GALNTL6: variants seen among roughly 807,000 people sequenced by gnomAD.
GALNTL6 encodes the protein polypeptide N-acetylgalactosaminyltransferase like 6.
Under a neutral mutation model 73.7 loss-of-function variants are expected in GALNTL6, and 46 were observed. That is an observed-to-expected ratio of 0.62 (90% confidence interval 0.49 to 0.80). GALNTL6 has a LOEUF of 0.80. Ranked by LOEUF, GALNTL6 falls within the 30% of genes least tolerant of loss-of-function variation. The probability of loss-of-function intolerance (pLI) is 0.00; values close to 1 mark genes in which losing one functional copy is unlikely to be tolerated. For synonymous variants in GALNTL6, 259 were observed against 263.7 expected, an observed-to-expected ratio of 0.98 and a Z score of 0.17; for missense variants, 604 against 755.0, an observed-to-expected ratio of 0.80 and a Z score of 2.34.
intron 7 of GALNTL6, among the ~76,000 whole-genome samples, chr4:172,873,366 C>G (rs1349302231): frequency 6.6e-6 from 1 of 152,176 alleles, no homozygotes; most frequent in African/African-American, 2.4e-5. Flanking sequence ...GCTAAAAGAT[C>G]AAATGTTCCA....
At chr4:172,523,032 AT>A (rs1734837000) in intron 5 of GALNTL6, among the ~76,000 whole-genome samples, 1 of 152,098 alleles carries the variant, frequency 6.6e-6, no homozygotes, top group African/African-American at 2.4e-5. Context: ...TTTTGCTTTT[AT>A]TTATAATTTC....
chr4:172,204,577 T>G (rs1736051040), intron 2 of GALNTL6, among the ~76,000 whole-genome samples: 1 of 152,216 alleles, frequency 6.6e-6, no homozygotes, highest in South Asian at 2.1e-4. Flanking sequence ...TTGTGTATTC[T>G]ATAATTATTA....
In GALNTL6 at chr4:172,448,713, C is replaced by A. The variant is rs551855421; in HGVS notation, c.553+100024C>A. Among the ~76,000 whole-genome samples the A allele has an allele frequency of 5.3e-5, 8 of 152,238 alleles. No homozygotes were observed. The South Asian group carries it at 8.3e-4, about 16-fold the overall frequency. ...AAACTCTGAGAAATCTAGAATCCAT[C>A]TGAACTGGAATGATTTGTTTGGTCT... On this transcript the variant is annotated intron_variant, in intron 5 of 12. Coordinates refer to ENST00000506823, the MANE Select transcript of GALNTL6 (RefSeq NM_001034845.3).
At chr4:172,441,486 TGCTCTGGTTTTTTCA>T (rs1561084648) in intron 5 of GALNTL6, among the ~76,000 whole-genome samples, 3 of 152,182 alleles carry the variant, frequency 2.0e-5, no homozygotes, top group Non-Finnish European at 4.4e-5. Context: ...AACAAGATGC[TGCTCTGGTTTTTTCA>T]GCTCTCATGC....
At chr4:171,867,119 G>A (rs961310625) in intron 2 of GALNTL6, among the ~76,000 whole-genome samples, 3 of 151,878 alleles carry the variant, frequency 2.0e-5, no homozygotes, top group African/African-American at 7.3e-5. Flanking sequence ...ATGAAAACTA[G>A]AAAACTCTAG....
At chr4:172,650,067 T>C (rs1740407421) in intron 5 of GALNTL6, among the ~76,000 whole-genome samples, 1 of 152,176 alleles carries the variant, frequency 6.6e-6, no homozygotes, top group Admixed American at 6.5e-5. Flanking sequence ...CCCATGATTA[T>C]ATCTCAAAGT....
In GALNTL6 at chr4:172,750,074, T is replaced by C. The variant is rs182544515; in HGVS notation, c.554-59287T>C. ...GCATTTTGATAATTTCACAATCTTT[T>C]AAAAATTTATAACAAGAGTTAAAAT... On this transcript the variant is annotated intron_variant, in intron 5 of 12. Transcript: ENST00000506823. 5.3e-5 allele frequency among the ~76,000 whole-genome samples: 8 copies of C among 152,344 alleles called. No homozygotes were observed. In the East Asian group the frequency reaches 1.3e-3, roughly 26 times the overall value.
At chr4:171,991,478 A>T (rs1019806131) in intron 2 of GALNTL6, among the ~76,000 whole-genome samples, 2 of 151,948 alleles carry the variant, frequency 1.3e-5, no homozygotes, top group Non-Finnish European at 2.9e-5. Flanking sequence ...AGAGAAACCT[A>T]AAAAACAGAA....
chr4:173,003,408 A>T (rs1191099788), intron 10 of GALNTL6, among the ~76,000 whole-genome samples: 1 of 152,208 alleles, frequency 6.6e-6, no homozygotes, highest in East Asian at 1.9e-4. Context: ...AGGCTTGTTC[A>T]TCTGCATTCT....
At chr4:171,970,978 C>T (rs963258232) in intron 2 of GALNTL6, among the ~76,000 whole-genome samples, 2 of 152,182 alleles carry the variant, frequency 1.3e-5, no homozygotes, top group Non-Finnish European at 2.9e-5. Flanking sequence ...ACCTCCATTT[C>T]ACAATTATCT....
intron 5 of GALNTL6, among the ~76,000 whole-genome samples, chr4:172,374,010 C>T (rs1449288595): frequency 1.3e-5 from 2 of 152,164 alleles, no homozygotes; most frequent in Non-Finnish European, 2.9e-5. Flanking sequence ...CACCCTCATT[C>T]CTGTTGTTGG....
intron 10 of GALNTL6, among the ~76,000 whole-genome samples, chr4:172,962,703 G>A (rs1202375018): frequency 6.6e-6 from 1 of 152,088 alleles, no homozygotes; most frequent in African/African-American, 2.4e-5. Context: ...CTTGTACTTG[G>A]AACAGTTTTC....
chr4:172,859,762 T>C (rs6856320), intron 7 of GALNTL6, among the ~76,000 whole-genome samples: 100,791 of 151,978 alleles, frequency 0.66, 34,727 homozygotes, highest in East Asian at 0.91. Context: ...CTGAGCTCCA[T>C]CTCCTGTCAG....
chr4:172,484,067 A>G (rs1733586886), intron 5 of GALNTL6, among the ~76,000 whole-genome samples: 1 of 152,184 alleles, frequency 6.6e-6, no homozygotes, highest in Admixed American at 6.5e-5. Flanking sequence ...AGGCAGATGA[A>G]AATTATTTCA....
rs892523488 is a variant in GALNTL6, at chr4:172,393,551, T to C, written c.553+44862T>C. Among the ~76,000 whole-genome samples, 4 of 152,216 alleles carry C rather than the reference T, an allele frequency of 2.6e-5. No homozygotes were observed. The East Asian group carries it at 7.7e-4, about 29-fold the overall frequency. Reference sequence around the variant, plus strand: ...ACATTAAATGATGAAGCTTAACGTCTCTTTTAAAAATCTCATCTTTTGCTT... The same window carrying C: ...ACATTAAATGATGAAGCTTAACGTCCCTTTTAAAAATCTCATCTTTTGCTT... On this transcript the variant is annotated intron_variant, in intron 5 of 12. Coordinates refer to ENST00000506823, the MANE Select transcript of GALNTL6 (RefSeq NM_001034845.3).
At chr4:172,966,504 C>T (rs1750332535) in intron 10 of GALNTL6, among the ~76,000 whole-genome samples, 1 of 152,048 alleles carries the variant, frequency 6.6e-6, no homozygotes, top group Non-Finnish European at 1.5e-5. Flanking sequence ...AAGCGACTCT[C>T]CTGCCTCAGC....
chr4:172,914,085 G>A (rs1418638618), intron 8 of GALNTL6, among the ~76,000 whole-genome samples: 2 of 152,130 alleles, frequency 1.3e-5, no homozygotes, highest in Non-Finnish European at 2.9e-5. Flanking sequence ...GGGGGTGGTG[G>A]CCAATATTCA....
At chr4:172,995,093 TTTCA>T (rs1346549825) in intron 10 of GALNTL6, among the ~76,000 whole-genome samples, 2 of 152,186 alleles carry the variant, frequency 1.3e-5, no homozygotes, top group Admixed American at 6.5e-5. Flanking sequence ...GGAAGTGGCT[TTTCA>T]TGATTGTACT....
At chr4:172,111,052 G>A (rs1386912367) in intron 2 of GALNTL6, among the ~76,000 whole-genome samples, 1 of 151,710 alleles carries the variant, frequency 6.6e-6, no homozygotes, top group Non-Finnish European at 1.5e-5. Flanking sequence ...AGTCCCATTT[G>A]GATCTTCAAA....
Sources: allele counts gnomAD v4.1 joint callset (sites outside exome capture counted in the v4.1 genomes callset), GRCh38; gene constraint gnomAD v4.1.1; transcripts MANE v1.5; gene names NCBI Gene and HGNC (gene_info 2026-07-23, HGNC 2026-07-21).